The following GPD2 variants were observed in gnomAD, a reference collection of about 807,000 sequenced individuals.
GPD2 encodes glycerol-3-phosphate dehydrogenase, mitochondrial.
GPD2 carries 54 observed loss-of-function variants against 82.4 expected under a neutral mutation model. The ratio of observed to expected loss-of-function variants is 0.66; its 90% confidence interval spans 0.53 to 0.82. The LOEUF is 0.82. Ranked by LOEUF, GPD2 falls within the 40% of genes least tolerant of loss-of-function variation. GPD2 has a pLI of 0.00. For missense variants in GPD2, 748 were observed against 896.2 expected, an observed-to-expected ratio of 0.83 and a Z score of 2.11; for synonymous variants, 288 against 306.1, an observed-to-expected ratio of 0.94 and a Z score of 0.62.
rs950594152 is a variant in GPD2 at position 156,453,477 on chromosome 2, C to T, written c.-9+16964C>T. On this transcript the variant is annotated intron_variant, in intron 1 of 16. Coordinates refer to ENST00000438166, the MANE Select transcript of GPD2 (RefSeq NM_000408.5). ...GTAGGGTGCTTGAGGCTGGAGTCTG[C>T]GGAGTTGATATAAATAGTGGGGATG... Among the ~76,000 whole-genome samples, 13 of 151,992 alleles carry T rather than the reference C, an allele frequency of 8.6e-5. No individual in the cohort carries two copies. The East Asian group carries it at 1.5e-3, about 18-fold the overall frequency.
At chr2:156,485,700 C>T (rs183812510) in intron 2 of GPD2, among the ~76,000 whole-genome samples, 3 of 152,324 alleles carry the variant, frequency 2.0e-5, no homozygotes, top group Admixed American at 1.3e-4. Context: ...CCTGCAATTA[C>T]CCAGGAACCT....
At chr2:156,541,301 A>G (rs1295431450) in intron 6 of GPD2, among the ~76,000 whole-genome samples, 1 of 152,206 alleles carries the variant, frequency 6.6e-6, no homozygotes, top group African/African-American at 2.4e-5. Flanking sequence ...CTGTTTGGTA[A>G]TATTTTAAGA....
At chr2:156,565,574 C>G (rs1411179313) in intron 9 of GPD2, among the ~76,000 whole-genome samples, 1 of 152,158 alleles carries the variant, frequency 6.6e-6, no homozygotes, top group African/African-American at 2.4e-5. Flanking sequence ...CTTTCCTCGC[C>G]AGTTAATTAT....
intron 6 of GPD2, among the ~76,000 whole-genome samples, chr2:156,537,610 G>A (rs937094945): frequency 6.6e-6 from 1 of 152,294 alleles, no homozygotes; most frequent in Middle Eastern, 3.4e-3. Flanking sequence ...GTATGAGGGT[G>A]TGCTTCTTCT....
At chr2:156,471,337 A>AGTCTTT (rs1683319863) in intron 1 of GPD2, among the ~76,000 whole-genome samples, 1 of 152,220 alleles carries the variant, frequency 6.6e-6, no homozygotes, top group South Asian at 2.1e-4. Context: ...CGTAAGCTTC[A>AGTCTTT]ACACTAAAAA....
At chr2:156,477,124 G>A (rs537560077) in intron 2 of GPD2, among the ~76,000 whole-genome samples, 6 of 152,224 alleles carry the variant, frequency 3.9e-5, no homozygotes, top group Admixed American at 1.3e-4. Context: ...TCCTGAATGA[G>A]GATCACTTTA....
intron 6 of GPD2, among the ~76,000 whole-genome samples, chr2:156,515,973 C>T (rs149027446): frequency 1.3e-4 from 20 of 152,208 alleles, no homozygotes; most frequent in African/African-American, 3.6e-4. Context: ...AACAAGGTGA[C>T]GAGGAGCATG....
chr2:156,544,764 C>T (rs1454041684), intron 6 of GPD2, among the ~76,000 whole-genome samples: 1 of 152,094 alleles, frequency 6.6e-6, no homozygotes, highest in Non-Finnish European at 1.5e-5. Context: ...GACACTGAAG[C>T]CCAAAGCAGC....
In GPD2 at chr2:156,469,603, G is replaced by C. The variant is rs112879874; in HGVS notation, c.-8-6495G>C. 6.4e-3 allele frequency among the ~76,000 whole-genome samples: 973 copies of C among 152,274 alleles called. 7 individuals carry two copies. The highest frequency in any genetic ancestry group is 7.7e-3 in the Non-Finnish European group (521 of 68,024). ...GTGACTAGTGCTGCAATAAACATGG[G>C]AGTGCAATATGGGATGCCTTTATGT... On this transcript the variant is annotated intron_variant, in intron 1 of 16. Transcript: ENST00000438166.
chr2:156,510,707 T>A (rs1684962877), intron 3 of GPD2, 89 bp from the exon 4 acceptor site: 2 of 1,044,690 alleles, frequency 1.9e-6, no homozygotes, highest in East Asian at 4.8e-5. Flanking sequence ...ATTTTTCTTG[T>A]GATTGTCTCT....
intron 13 of GPD2, among the ~76,000 whole-genome samples, chr2:156,577,277 G>A (rs898283352): frequency 7.2e-5 from 11 of 152,086 alleles, no homozygotes; most frequent in Non-Finnish European, 1.5e-5. Flanking sequence ...CTTGAGCCCA[G>A]TAGTTCAAGA....
intron 13 of GPD2, among the ~76,000 whole-genome samples, chr2:156,572,002 C>T (rs1039099664): frequency 1.1e-4 from 17 of 152,170 alleles, no homozygotes; most frequent in African/African-American, 4.1e-4. Flanking sequence ...TGGTCAATCT[C>T]ACCAGTAACC....
Position 156,513,539 on chromosome 2 carries a change from T to A in GPD2, c.661+43T>A, listed in dbSNP as rs755736191. ...TTTTTTTCCTCACAAGATACTTTTC[T>A]CTCACTCATGACCCGTATAGTGTAT... On this transcript the variant is annotated intron_variant, in intron 6 of 16. Transcript: ENST00000438166. 5 of 1,465,570 alleles carry A rather than the reference T, an allele frequency of 3.4e-6. No homozygotes were observed. In the African/African-American group the frequency reaches 4.2e-5, roughly 12 times the overall value. 90.8% of individuals were successfully genotyped at this position (1,465,570 alleles called of 1,614,324 possible).
intron 2 of GPD2, among the ~76,000 whole-genome samples, chr2:156,477,282 A>C (rs909135984): frequency 1.3e-5 from 2 of 152,052 alleles, no homozygotes. Flanking sequence ...AAATACAAAA[A>C]TTAGCTGGGC....
intron 6 of GPD2, among the ~76,000 whole-genome samples, chr2:156,543,347 A>G (rs1393909977): frequency 6.6e-6 from 1 of 152,180 alleles, no homozygotes; most frequent in Non-Finnish European, 1.5e-5. Context: ...CTAGGTAGCA[A>G]AGGCTTTGGC....
At chr2:156,436,220 G>A (rs941759419), upstream of GPD2, among the ~76,000 whole-genome samples, 15 of 152,238 alleles carry the variant, frequency 9.9e-5, no homozygotes, top group Non-Finnish European at 1.6e-4. Context: ...GGCCGGAGGA[G>A]CCTGGGCCCG....
chr2:156,582,615 C>T (rs531392744), intron 16 of GPD2, among the ~76,000 whole-genome samples, 178 bp from the exon 17 acceptor site: 1 of 151,940 alleles, frequency 6.6e-6, no homozygotes, highest in East Asian at 1.9e-4. Flanking sequence ...CCTGCCTCTT[C>T]CCCTCTTTTG....
At chr2:156,487,048 G>A (rs569307689) in intron 2 of GPD2, among the ~76,000 whole-genome samples, 2 of 152,334 alleles carry the variant, frequency 1.3e-5, no homozygotes, top group East Asian at 3.9e-4. Flanking sequence ...GCTCATGCCT[G>A]TAATCCCAGC....
chr2:156,407,552 G>A, the GPD2 span, among the ~76,000 whole-genome samples: 1 of 152,048 alleles, frequency 6.6e-6, no homozygotes, highest in African/African-American at 2.4e-5. Context: ...AGTACCCCAA[G>A]GCCAAGTTTC....
Sources: gnomAD v4.1 joint callset for allele counts (sites outside exome capture counted in the v4.1 genomes callset) on GRCh38, gnomAD v4.1.1 for gene constraint, MANE v1.5 for transcripts, NCBI Gene and HGNC (gene_info 2026-07-23, HGNC 2026-07-21) for gene names.